WARS1: variants seen among roughly 807,000 people sequenced by gnomAD.
WARS1 encodes the protein tryptophan--tRNA ligase, cytoplasmic.
WARS1 carries 17 observed loss-of-function variants against 47.8 expected under a neutral mutation model. That is an observed-to-expected ratio of 0.36 (90% CI 0.24 to 0.53). The LOEUF (loss-of-function observed/expected upper bound fraction) is 0.53, where lower values mean the gene tolerates loss of function less well. WARS1 is among the 20% of genes least tolerant of loss of function. The pLI is 0.91. For missense variants in WARS1, 434 were observed against 608.0 expected, an observed-to-expected ratio of 0.71 and a Z score of 3.01; for synonymous variants, 208 against 228.1, an observed-to-expected ratio of 0.91 and a Z score of 0.79.
chr14:100,335,612 G>A (rs1893667222), intron 10 of WARS1, among the ~76,000 whole-genome samples: 1 of 151,972 alleles, frequency 6.6e-6, no homozygotes, highest in African/African-American at 2.4e-5. Context: ...TCCTGACCTC[G>A]TGATCCACTC....
At chr14:100,356,395 GT>G (rs58550688) in intron 4 of WARS1, among the ~76,000 whole-genome samples, 2,594 of 82,440 alleles carry the variant, frequency 0.031, 122 homozygotes, top group African/African-American at 0.044. Flanking sequence ...GTGTGTGTGT[GT>G]GTGGGGGGGG....
chr14:100,350,688 T>C (rs3783342), intron 6 of WARS1, among the ~76,000 whole-genome samples: 9,258 of 152,242 alleles, frequency 0.061, 433 homozygotes, highest in African/African-American at 0.12. Flanking sequence ...TCAGCTTTGC[T>C]TCTGCTGTGT....
chr14:100,345,849 G>A (rs565688718), intron 7 of WARS1, among the ~76,000 whole-genome samples: 12 of 152,202 alleles, frequency 7.9e-5, no homozygotes, highest in African/African-American at 1.2e-4. Context: ...ACCAAGTGGC[G>A]GTACCCAGAC....
In WARS1 at chr14:100,369,781, G is replaced by A. The variant is rs146294129; in HGVS notation, c.-73-523C>T. 6.2e-3 allele frequency among the ~76,000 whole-genome samples: 940 copies of A among 151,810 alleles called. 6 individuals carry two copies. Among genetic ancestry groups the A allele is most frequent in the Middle Eastern group, 0.01 (3 of 294 alleles). ...CAACCTCCACCTCTGGGGTTCAAGCGATTCTTCTGTCTCAGCCTCCTGAGG... is the reference window on the plus strand; with the variant it reads ...CAACCTCCACCTCTGGGGTTCAAGCAATTCTTCTGTCTCAGCCTCCTGAGG... On this transcript the variant is annotated intron_variant, in intron 1 of 10. Transcript: ENST00000392882.
chr14:100,366,967 A>C, intron 2 of WARS1: 1 of 1,480,180 alleles, frequency 6.8e-7, no homozygotes. Flanking sequence ...ACTCTCCAAA[A>C]TAAGATTTCT....
intron 4 of WARS1, among the ~76,000 whole-genome samples, chr14:100,355,588 C>T (rs950139462): frequency 3.3e-5 from 5 of 152,204 alleles, no homozygotes; most frequent in East Asian, 1.9e-4. Context: ...AACCAACGCT[C>T]GAGGATGAAT....
intron 9 of WARS1, among the ~76,000 whole-genome samples, chr14:100,341,400 T>C (rs1244367663): frequency 1.3e-5 from 2 of 152,112 alleles, no homozygotes; most frequent in Admixed American, 1.3e-4. Context: ...GGGCATGTCT[T>C]AGGAAGTTTT....
intron 9 of WARS1, 77 bp from the exon 10 acceptor site, chr14:100,337,279 G>A: frequency 6.4e-7 from 1 of 1,574,190 alleles, no homozygotes; most frequent in Non-Finnish European, 8.7e-7. Context: ...AAGCCCAAGT[G>A]TGGAAGTCAG....
Position 100,343,378 on chromosome 14 carries a change from C to T in WARS1, c.836G>A (p.Ser279Asn). 1 of 1,611,896 alleles carries T rather than the reference C, an allele frequency of 6.2e-7. No homozygotes were observed. The highest frequency in any genetic ancestry group is 1.7e-4 in the Middle Eastern group (1 of 6,048). The change falls in exon 8 of 11, where the codon AGT becomes AAT. Residue 279 changes from serine to asparagine, a missense_variant. Physicochemically the swap from Ser to Asn is conservative, Grantham distance 46. Around this residue, in one of 2 missense-constraint regions of WARS1, gnomAD observed 347 missense variants for 523.8 expected, o/e 0.66. Coordinates refer to ENST00000392882, the MANE Select transcript of WARS1 (RefSeq NM_004184.4). ...FTDSDCIGKI[S>N]FPAIQAAPSF... is the part of the protein sequence containing the mutation. ...GGGAGCAGCCTGGATGGCAGGAAAA[C>T]TGATCTTCCCTGAAAATGAGAAAAA...
chr14:100,365,953 CA>C, intron 2 of WARS1: 1 of 451,702 alleles, frequency 2.2e-6, no homozygotes, highest in South Asian at 1.6e-5. Context: ...TGCGCACTTA[CA>C]GGAGTGGGGG....
intron 9 of WARS1, among the ~76,000 whole-genome samples, chr14:100,339,546 G>C (rs1485503125): frequency 2.1e-5 from 3 of 141,360 alleles, no homozygotes; most frequent in South Asian, 4.5e-4. Context: ...AGCCGAGATT[G>C]TGCCACTGCA....
Position 100,349,757 on chromosome 14 carries a change from T to C in WARS1, c.726-2911A>G, listed in dbSNP as rs539083905. On this transcript the variant is annotated intron_variant, in intron 6 of 10. Coordinates refer to ENST00000392882, the MANE Select transcript of WARS1 (RefSeq NM_004184.4). ...AAGGCCGTTCTGGGGCCATGTGCAA[T>C]GTGCAGGGGGAACTGCACTGGCCTC... Among the ~76,000 whole-genome samples, 7 of 152,354 alleles carry C rather than the reference T, an allele frequency of 4.6e-5. No homozygotes were observed. In the South Asian group the frequency reaches 1.4e-3, roughly 32 times the overall value.
chr14:100,346,639 A>T, intron 7 of WARS1, 107 bp downstream of exon 7: 1 of 942,314 alleles, frequency 1.1e-6, no homozygotes, highest in Non-Finnish European at 1.7e-6. Flanking sequence ...GACAGTTGCA[A>T]ACGCTAACAT....
At chr14:100,367,327 C>T (rs930194331) in intron 2 of WARS1, among the ~76,000 whole-genome samples, 2 of 152,086 alleles carry the variant, frequency 1.3e-5, no homozygotes, top group Non-Finnish European at 2.9e-5. Flanking sequence ...TGGTGGCTCA[C>T]GCCTGTAATC....
intron 4 of WARS1, among the ~76,000 whole-genome samples, chr14:100,356,261 T>C (rs1027238429): frequency 3.3e-5 from 5 of 152,132 alleles, no homozygotes; most frequent in African/African-American, 1.2e-4. Flanking sequence ...GAGGCTACAG[T>C]ATTACTATAC....
intron 6 of WARS1, 110 bp downstream of exon 6, chr14:100,353,577 C>T: frequency 7.6e-7 from 1 of 1,323,032 alleles, no homozygotes; most frequent in South Asian, 1.4e-5. Context: ...GGAAGAAGAA[C>T]ATTTACTAGG....
rs142417161 is a variant in WARS1 at position 100,355,499 on chromosome 14, G to A, written c.423-933C>T. On this transcript the variant is annotated intron_variant, in intron 4 of 10. Transcript: ENST00000392882. The stretch of plus-strand genomic sequence containing the variant: ...GCCTCCCAAAGTGCTGGGATTACAG[G>A]TGTGAGCCACTGCGCCTGGCCGGGA... Among the ~76,000 whole-genome samples the A allele has an allele frequency of 8.5e-5, 13 of 152,284 alleles. No individual in the cohort carries two copies. The East Asian group carries it at 2.5e-3, about 29-fold the overall frequency.
Position 100,351,831 on chromosome 14 carries a change from A to C in WARS1, c.725+1856T>G, listed in dbSNP as rs374551920. ...ACACAGTGAAACCCCGTCTCTACTA[A>C]AAATACAAAAAATTAGCCGGACATG... is the stretch of plus-strand genomic sequence containing the variant. On this transcript the variant is annotated intron_variant, in intron 6 of 10. Transcript: ENST00000392882. 5.3e-5 allele frequency among the ~76,000 whole-genome samples: 8 copies of C among 151,998 alleles called. No individual in the cohort carries two copies. The East Asian group carries it at 1.2e-3, about 22-fold the overall frequency.
intron 10 of WARS1, 143 bp downstream of exon 10, chr14:100,336,919 G>A: frequency 8.7e-7 from 1 of 1,148,408 alleles, no homozygotes; most frequent in Non-Finnish European, 1.2e-6. Context: ...AAAACCATGA[G>A]GGCGAGTCTA....
Sources: allele counts gnomAD v4.1 joint callset (sites outside exome capture counted in the v4.1 genomes callset), GRCh38; gene constraint gnomAD v4.1.1; regional missense constraint gnomAD v4.1.1; transcripts MANE v1.5; gene names NCBI Gene and HGNC (gene_info 2026-07-23, HGNC 2026-07-21).